The following ICAM5 variants were observed in gnomAD, a reference collection of about 807,000 sequenced individuals.
The protein encoded by ICAM5 is intercellular adhesion molecule 5, also known as ICAM-5.
In ICAM5, 38 loss-of-function variants were observed where a neutral mutation model predicts 78.8. The observed-to-expected ratio is 0.48, with a 90% confidence interval of 0.37 to 0.63. The LOEUF (loss-of-function observed/expected upper bound fraction) is 0.63. ICAM5 is among the 30% of genes least tolerant of loss of function. ICAM5 has a pLI of 0.00. For missense variants in ICAM5, 1,059 were observed against 1,303.0 expected (o/e 0.81, Z 2.88); for synonymous variants, 544 against 590.9 (o/e 0.92, Z 1.15).
chr19:10,293,654 T>A lies in ICAM5; in HGVS notation c.1466-44T>A. 6.3e-7 allele frequency: 1 copy of A among 1,598,066 alleles called. No homozygotes were observed. The highest frequency in any genetic ancestry group is 1.1e-5 in the South Asian group (1 of 89,794). ...CCAAGGAGGGTCTAGGGACGTCAGATTTGCCCCCAAACCCCAAAGCCAACA... is the reference window on the plus strand; with the variant it reads ...CCAAGGAGGGTCTAGGGACGTCAGAATTGCCCCCAAACCCCAAAGCCAACA... On this transcript the variant is annotated intron_variant, in intron 6 of 10. Transcript: ENST00000221980. The surrounding 1 kb of genome is among the most constrained non-coding windows in gnomAD (Gnocchi z 5.0).
chr19:10,293,460 G>C lies in ICAM5; in HGVS notation c.1465+214G>C. ...GCCTAGGGCGTGGTATTTGGGCGGA[G>C]TCGTGGAAAGGCGGGCAGTCCAGAG... On this transcript the variant is annotated intron_variant, in intron 6 of 10. Transcript: ENST00000221980. This position sits in a 1 kb window ranked among gnomAD's most constrained non-coding sequence, Gnocchi z 5.0. Among the ~76,000 whole-genome samples the C allele has an allele frequency of 6.6e-6, 1 of 152,194 alleles. No homozygotes were observed. Among genetic ancestry groups the C allele is most frequent in the Admixed American group, 6.5e-5 (1 of 15,272 alleles).
rs1166117047 is a variant in ICAM5 at position 10,296,519 on chromosome 19, G to C, written c.2678G>C (p.Gly893Ala). ...AACGGAGCGGGCGGCGGCGCTGGCG[G>C]GGCGGCAGGCGCGGAGGGCGGACCC... is the stretch of plus-strand genomic sequence containing the variant. ...CLNGAGGGAG[G>A]AAGAEGGPEA... The change falls in exon 11 of 11, where the codon GGG becomes GCG. Residue 893 changes from glycine (G) to alanine (A), a missense_variant. Physicochemically the swap from Gly to Ala is moderately conservative, Grantham distance 60 (BLOSUM62 0). Around this residue, in one of 3 missense-constraint regions of ICAM5, gnomAD observed 109 missense variants for 120.0 expected, o/e 0.91. Coordinates refer to ENST00000221980, the MANE Select transcript of ICAM5 (RefSeq NM_003259.4). The C allele has an allele frequency of 1.6e-6, 2 of 1,213,956 alleles. No individual in the cohort carries two copies. Among genetic ancestry groups the C allele is most frequent in the Non-Finnish European group, 1.0e-6 (1 of 960,958 alleles). 75.2% of individuals were successfully genotyped at this position (1,213,956 alleles called of 1,614,324 possible). A position where few individuals can be genotyped will look rare whatever the true frequency, so the allele number is the denominator to read the frequency against.
rs757977282 is a variant in ICAM5 at position 10,293,661 on chromosome 19, C to A, written c.1466-37C>A. ...GGGTCTAGGGACGTCAGATTTGCCC[C>A]CAAACCCCAAAGCCAACAATACACT... is the stretch of plus-strand genomic sequence containing the variant. On this transcript the variant is annotated intron_variant, in intron 6 of 10. Transcript: ENST00000221980. The surrounding 1 kb of genome is among the most constrained non-coding windows in gnomAD (Gnocchi z 5.0). 6.2e-7 allele frequency: 1 copy of A among 1,600,610 alleles called. No homozygotes were observed. The highest frequency in any genetic ancestry group is 1.1e-5 in the South Asian group (1 of 90,226).
Position 10,296,358 on chromosome 19 carries a change from C to A in ICAM5, c.2517C>A (p.Ala839=), listed in dbSNP as rs1260778395. 5.6e-6 allele frequency: 7 copies of A among 1,248,122 alleles called. No individual in the cohort carries two copies. In the East Asian group the frequency reaches 2.3e-4, roughly 40 times the overall value. The allele number at this position is 1,248,122 out of a possible 1,614,324, so 77.3% of individuals were successfully genotyped here. ...CCGCAGGTCCGTGGCTATGGGTCGC[C>A]GTGGGCGGCGCGGCGGGGGGCGCGG... is the stretch of plus-strand genomic sequence containing the variant. ...VRVAGPWLWV[A]VGGAAGGAAL... Residue 839 remains alanine, a synonymous_variant, in exon 11 of 11, where the codon GCC becomes GCA. Transcript: ENST00000221980.
chr19:10,291,648 G>C lies in ICAM5; in HGVS notation c.512G>C (p.Gly171Ala). 1 of 1,611,820 alleles carries C rather than the reference G, an allele frequency of 6.2e-7. No homozygotes were observed. Among genetic ancestry groups the C allele is most frequent in the Non-Finnish European group, 8.5e-7 (1 of 1,179,482 alleles). The change falls in exon 3 of 11, where the codon GGT (glycine) becomes GCT (alanine). Residue 171 changes from glycine to alanine, a missense_variant. Gly to Ala is a moderately conservative substitution (Grantham distance 60, BLOSUM62 0). Coordinates refer to ENST00000221980, the MANE Select transcript of ICAM5 (RefSeq NM_003259.4). ...AQELIRRSFA[G>A]EPPRARGAVL... ...GAGCTGATCCGCCGCAGCTTCGCCG[G>C]TGAACCACCCCGAGCGCGGGGCGCG... is the stretch of plus-strand genomic sequence containing the variant.
In ICAM5 at chr19:10,293,132, GTGCTGGCTCTGGGCC is replaced by G. The variant is rs1392341692; in HGVS notation, c.1358_1372del (p.Ala453_Leu457del). On this transcript the variant is annotated inframe_deletion, in exon 6 of 11. Coordinates refer to ENST00000221980, the MANE Select transcript of ICAM5 (RefSeq NM_003259.4). This position sits in a 1 kb window ranked among gnomAD's most constrained non-coding sequence, Gnocchi z 5.0. The stretch of plus-strand genomic sequence containing the variant: ...CTGTGCGCGCTCCGACGGCGGGGCC[GTGCTGGCTCTGGGCC>G]TGCTGGGTCCAGTCACTCGGGCGCT... 6.2e-7 allele frequency: 1 copy of G among 1,609,788 alleles called. No homozygotes were observed.
intron 9 of ICAM5, 81 bp from the exon 10 acceptor site, chr19:10,295,265 C>A: frequency 7.1e-7 from 1 of 1,404,902 alleles, no homozygotes; most frequent in East Asian, 2.6e-5. Context: ...GGTCTCCCAT[C>A]GATCGTTGTG....
Position 10,292,617 on chromosome 19 carries a change from C to T in ICAM5, c.967C>T (p.Pro323Ser). The T allele has an allele frequency of 6.4e-7, 1 of 1,562,706 alleles. No individual in the cohort carries two copies. Among genetic ancestry groups the T allele is most frequent in the Non-Finnish European group, 8.7e-7 (1 of 1,155,538 alleles). The change falls in exon 5 of 11, where the codon CCG becomes TCG. Residue 323 changes from proline (P) to serine (S), a missense_variant. By Grantham distance (74) the Pro-to-Ser change is moderately conservative. Transcript: ENST00000221980. ...ACCAAATGCTCCGCCCCCAGGCTTC[C>T]CGGCACCACTCCTGACCCTGAGCGA... Reference protein sequence around the residue: ...TRENVTIYSFPAPLLTLSEPS... With the variant: ...TRENVTIYSFSAPLLTLSEPS...
rs763972793 is a variant in ICAM5 at position 10,292,665 on chromosome 19, A to T, written c.1015A>T (p.Met339Leu). The T allele has an allele frequency of 1.2e-6, 2 of 1,606,358 alleles. No individual in the cohort carries two copies. Among genetic ancestry groups the T allele is most frequent in the Non-Finnish European group, 1.7e-6 (2 of 1,176,740 alleles). ...LSEPSVSEGQ[M>L]VTVTCAAGAQ... ...CGAACCCAGCGTCTCCGAGGGGCAG[A>T]TGGTGACAGTAACCTGCGCAGCTGG... Residue 339 changes from methionine to leucine, a missense_variant, in exon 5 of 11, where the codon ATG becomes TTG. This residue lies in a region of ICAM5 where 815 missense variants were observed against 952.8 expected (regional missense o/e 0.86). Transcript: ENST00000221980.
intron 2 of ICAM5, 26 bp downstream of exon 2, chr19:10,291,367 A>G (rs1303276550): frequency 6.2e-7 from 1 of 1,604,120 alleles, no homozygotes; most frequent in Middle Eastern, 1.7e-4. Flanking sequence ...CCACGCGCGT[A>G]CTCCACTACT....
Position 10,294,458 on chromosome 19 carries a change from C to A in ICAM5, c.2048C>A (p.Ala683Asp). The A allele has an allele frequency of 1.2e-6, 2 of 1,609,854 alleles. No individual in the cohort carries two copies. The highest frequency in any genetic ancestry group is 1.7e-6 in the Non-Finnish European group (2 of 1,178,310). The change falls in exon 9 of 11, where the codon GCT becomes GAT. Residue 683 changes from alanine to aspartate, a missense_variant. This residue lies in a region of ICAM5 where 815 missense variants were observed against 952.8 expected (regional missense o/e 0.86). Coordinates refer to ENST00000221980, the MANE Select transcript of ICAM5 (RefSeq NM_003259.4). The surrounding 1 kb of genome is among the most constrained non-coding windows in gnomAD (Gnocchi z 7.7). The stretch of plus-strand genomic sequence containing the variant: ...AGTCACCAGACGTGGCTGGAAGGGG[C>A]TGAGGCTTCCGCGCTGGCCTGCGCC... ...CPSHQTWLEGAEASALACAAR... is the reference protein window; with the variant it reads ...CPSHQTWLEGDEASALACAAR...
rs962376378 is a variant in ICAM5, at chr19:10,294,018, C to T, written c.1712-22C>T. On this transcript the variant is annotated intron_variant, in intron 7 of 10. Coordinates refer to ENST00000221980, the MANE Select transcript of ICAM5 (RefSeq NM_003259.4). The surrounding 1 kb of genome is among the most constrained non-coding windows in gnomAD (Gnocchi z 7.7). ...CTGGACTTCCTGGCCCCCGTGTGAG[C>T]CCCTGCAATCCTGTTTCCCAGATGG... The T allele has an allele frequency of 6.9e-6, 11 of 1,584,056 alleles. No homozygotes were observed. Among genetic ancestry groups the T allele is most frequent in the Non-Finnish European group, 9.5e-6 (11 of 1,162,614 alleles).
At position 10,292,369 on chromosome 19, in the gene ICAM5, G is replaced by T. The variant is rs759425530; in HGVS notation, c.961+47G>T. ...CCGCGGCTCCGAGGTGGGACCAGAG[G>T]AATGCGAAGGCGGGGCGAAGAGTGG... On this transcript the variant is annotated intron_variant, in intron 4 of 10. Coordinates refer to ENST00000221980, the MANE Select transcript of ICAM5 (RefSeq NM_003259.4). 21 of 1,530,190 alleles carry T rather than the reference G, an allele frequency of 1.4e-5. 1 individual carries two copies. The highest frequency in any genetic ancestry group is 2.3e-4 in the Middle Eastern group (1 of 4,422). 94.8% of individuals were successfully genotyped at this position (1,530,190 alleles called of 1,614,324 possible). A position where few individuals can be genotyped will look rare whatever the true frequency, so the allele number is the denominator to read the frequency against.
Position 10,292,386 on chromosome 19 carries a change from G to A in ICAM5, c.961+64G>A, listed in dbSNP as rs549321708. ...GACCAGAGGAATGCGAAGGCGGGGC[G>A]AAGAGTGGGCGGGACCTCAGTACCG... On this transcript the variant is annotated intron_variant, in intron 4 of 10. Coordinates refer to ENST00000221980, the MANE Select transcript of ICAM5 (RefSeq NM_003259.4). 11 of 1,502,678 alleles carry A rather than the reference G, an allele frequency of 7.3e-6. No homozygotes were observed. In the South Asian group the frequency reaches 8.6e-5, roughly 12 times the overall value. 93.1% of individuals were successfully genotyped at this position (1,502,678 alleles called of 1,614,324 possible).
At position 10,292,301 on chromosome 19, in the gene ICAM5, C is replaced by A. The variant is rs150703171; in HGVS notation, c.940C>A (p.Arg314=). 5 of 1,607,366 alleles carry A rather than the reference C, an allele frequency of 3.1e-6. No homozygotes were observed. In the African/African-American group the frequency reaches 6.7e-5, roughly 21 times the overall value. ...VTLGGENRET[R]ENVTIYSFPA... The stretch of plus-strand genomic sequence containing the variant: ...CCTGGGGGGCGAAAACCGGGAGACC[C>A]GGGAGAACGTGACCATCTACAGTAA... The change falls in exon 4 of 11, where the codon CGG becomes AGG. Residue 314 remains arginine, a synonymous_variant. Coordinates refer to ENST00000221980, the MANE Select transcript of ICAM5 (RefSeq NM_003259.4).
rs1484063344 is a variant in ICAM5 at position 10,293,515 on chromosome 19, A to G, written c.1466-183A>G. 1.3e-5 allele frequency among the ~76,000 whole-genome samples: 2 copies of G among 152,178 alleles called. No individual in the cohort carries two copies. The highest frequency in any genetic ancestry group is 2.9e-5 in the Non-Finnish European group (2 of 68,028). ...TAAGTTTTTAGACGAAAAAGGCGCC[A>G]CTGGTGGCTCAGGAAGCTCCCAGAC... On this transcript the variant is annotated intron_variant, in intron 6 of 10. Coordinates refer to ENST00000221980, the MANE Select transcript of ICAM5 (RefSeq NM_003259.4). This position sits in a 1 kb window ranked among gnomAD's most constrained non-coding sequence, Gnocchi z 5.0.
chr19:10,292,687 C>T lies in ICAM5; in HGVS notation c.1037C>T (p.Ala346Val), dbSNP rs758103269. The change falls in exon 5 of 11, where the codon GCT (alanine) becomes GTT (valine). Residue 346 changes from alanine (A) to valine (V), a missense_variant. Around this residue, in one of 3 missense-constraint regions of ICAM5, gnomAD observed 815 missense variants for 952.8 expected, o/e 0.86. Coordinates refer to ENST00000221980, the MANE Select transcript of ICAM5 (RefSeq NM_003259.4). The stretch of plus-strand genomic sequence containing the variant: ...CAGATGGTGACAGTAACCTGCGCAG[C>T]TGGGGCCCAAGCTCTGGTCACACTG... Reference protein sequence around the residue: ...EGQMVTVTCAAGAQALVTLEG... With the variant: ...EGQMVTVTCAVGAQALVTLEG... The T allele has an allele frequency of 6.2e-7, 1 of 1,611,510 alleles. No homozygotes were observed. The highest frequency in any genetic ancestry group is 1.1e-5 in the South Asian group (1 of 91,030).
intron 10 of ICAM5, 40 bp from the exon 11 acceptor site, chr19:10,296,299 C>T (rs536778200): frequency 3.3e-6 from 4 of 1,227,604 alleles, no homozygotes; most frequent in South Asian, 8.0e-5. Flanking sequence ...AGAAGCCCCC[C>T]GGAGCTTGGC....
chr19:10,294,006 C>T lies in ICAM5; in HGVS notation c.1712-34C>T. ...GGACAACCCCGGCTGGACTTCCTGG[C>T]CCCCGTGTGAGCCCCTGCAATCCTG... On this transcript the variant is annotated intron_variant, in intron 7 of 10. Coordinates refer to ENST00000221980, the MANE Select transcript of ICAM5 (RefSeq NM_003259.4). The surrounding 1 kb of genome is among the most constrained non-coding windows in gnomAD (Gnocchi z 7.7). The T allele has an allele frequency of 1.3e-6, 2 of 1,590,586 alleles. No homozygotes were observed.
Sources: gnomAD v4.1 joint callset for allele counts (sites outside exome capture counted in the v4.1 genomes callset) on GRCh38, gnomAD v4.1.1 for gene constraint, gnomAD v4.1.1 regional missense constraint, Gnocchi (gnomAD v3.1) non-coding constraint, MANE v1.5 for transcripts, NCBI Gene and HGNC (gene_info 2026-07-23, HGNC 2026-07-21) for gene names.